SLC14A2: variants seen among roughly 807,000 people sequenced by gnomAD.
SLC14A2 encodes urea transporter 2.
In SLC14A2, 91 loss-of-function variants were observed where a neutral mutation model predicts 104.6. The ratio of observed to expected loss-of-function variants is 0.87; its 90% CI spans 0.73 to 1.04. The LOEUF (loss-of-function observed/expected upper bound fraction) is 1.04, where lower values mean the gene tolerates loss of function less well. Ranked by LOEUF, SLC14A2 falls within the 50% of genes least tolerant of loss-of-function variation. SLC14A2 has a pLI of 0.00. For synonymous variants in SLC14A2, 476 were observed against 466.4 expected (o/e 1.02, Z -0.27); for missense variants, 1,189 against 1,156.0 (o/e 1.03, Z -0.41).
intron 1 of SLC14A2, among the ~76,000 whole-genome samples, chr18:45,441,441 A>C (rs912918438): frequency 6.6e-6 from 1 of 152,190 alleles, no homozygotes; most frequent in Non-Finnish European, 1.5e-5. Context: ...ATTACCCAGG[A>C]CCGCCATGGA....
chr18:45,249,740 AG>A (rs1482139053), intron 1 of SLC14A2, among the ~76,000 whole-genome samples: 1 of 152,142 alleles, frequency 6.6e-6, no homozygotes, highest in Non-Finnish European at 1.5e-5. Context: ...GCTTGAGTCC[AG>A]GAGTTCAAGA....
chr18:45,549,054 A>ATCCTCCT (rs1180669643), intron 2 of SLC14A2, among the ~76,000 whole-genome samples: 2 of 152,240 alleles, frequency 1.3e-5, no homozygotes, highest in African/African-American at 4.8e-5. Flanking sequence ...CGCCTCCTCC[A>ATCCTCCT]TCCTCCTTCC....
chr18:45,229,097 A>T (rs1184751725), intron 1 of SLC14A2, among the ~76,000 whole-genome samples: 1 of 152,172 alleles, frequency 6.6e-6, no homozygotes, highest in Non-Finnish European at 1.5e-5. Flanking sequence ...ACTGTGAATT[A>T]TTGGCCTGTA....
intron 1 of SLC14A2, among the ~76,000 whole-genome samples, chr18:45,363,558 T>C (rs9966284): frequency 1 from 151,913 of 152,200 alleles, 75,814 homozygotes; most frequent in Middle Eastern, 1. Flanking sequence ...AGTCTCAGCC[T>C]TAAATTGTCC....
At chr18:45,499,216 C>A (rs931291176) in intron 2 of SLC14A2, among the ~76,000 whole-genome samples, 6 of 152,148 alleles carry the variant, frequency 3.9e-5, no homozygotes, top group African/African-American at 1.4e-4. Context: ...CCCAAAATGT[C>A]ATTTTATTGA....
At chr18:45,413,529 C>T (rs1217643192) in intron 1 of SLC14A2, among the ~76,000 whole-genome samples, 2 of 152,064 alleles carry the variant, frequency 1.3e-5, no homozygotes, top group African/African-American at 4.8e-5. Context: ...GACTCAGACC[C>T]TAGTTCCTGA....
intron 5 of SLC14A2, chr18:45,635,019 G>T: frequency 3.1e-6 from 1 of 322,416 alleles, no homozygotes; most frequent in Non-Finnish European, 6.1e-6. Flanking sequence ...GGGAGGTTGT[G>T]GAAAACCAAG....
intron 2 of SLC14A2, chr18:45,528,406 A>G (rs1278913890): frequency 6.6e-6 from 1 of 152,032 alleles, no homozygotes; most frequent in Admixed American, 6.6e-5. Context: ...ACATCTCAGG[A>G]TCCTACCTGT....
intron 1 of SLC14A2, among the ~76,000 whole-genome samples, chr18:45,476,629 G>A (rs886897066): frequency 2.6e-5 from 4 of 152,160 alleles, no homozygotes; most frequent in African/African-American, 9.7e-5. Context: ...GTCAAACGTA[G>A]GTTTGGTCTT....
chr18:45,242,881 G>A (rs2084331940), intron 1 of SLC14A2, among the ~76,000 whole-genome samples: 1 of 152,190 alleles, frequency 6.6e-6, no homozygotes, highest in Non-Finnish European at 1.5e-5. Flanking sequence ...ACATGAGCTG[G>A]TTTGTGCTAC....
intron 1 of SLC14A2, among the ~76,000 whole-genome samples, chr18:45,355,775 A>G (rs2085547920): frequency 6.6e-6 from 1 of 152,022 alleles, no homozygotes; most frequent in African/African-American, 2.4e-5. Context: ...GCACCCACTC[A>G]TCTCAGAACA....
In SLC14A2 at chr18:45,669,424, T is replaced by C. The variant is rs1442958426; in HGVS notation, c.2155T>C (p.Phe719Leu). 1 of 1,614,034 alleles carries C rather than the reference T, an allele frequency of 6.2e-7. No homozygotes were observed. The highest frequency in any genetic ancestry group is 1.3e-5 in the African/African-American group (1 of 74,922). ...GGCAGCCACGGGCCACTACAACCTTTTCTTCCCCACAACGCTGCTGCAGCC... is the reference window on the plus strand; with the variant it reads ...GGCAGCCACGGGCCACTACAACCTTCTCTTCCCCACAACGCTGCTGCAGCC... ...YLAATGHYNLFFPTTLLQPAS... is the reference protein window; with the variant it reads ...YLAATGHYNLLFPTTLLQPAS... Residue 719 changes from phenylalanine to leucine, a missense_variant, in exon 16 of 20, where the codon TTC (phenylalanine) becomes CTC (leucine). Physicochemically the swap from Phe to Leu is conservative, Grantham distance 22. Coordinates refer to ENST00000255226, the MANE Select transcript of SLC14A2 (RefSeq NM_007163.4).
chr18:45,448,939 G>C (rs997012858), intron 1 of SLC14A2, among the ~76,000 whole-genome samples: 1 of 152,210 alleles, frequency 6.6e-6, no homozygotes, highest in African/African-American at 2.4e-5. Flanking sequence ...TCAGGAGAGA[G>C]AGTAAAATTT....
chr18:45,594,157 T>C (rs1047586202), intron 2 of SLC14A2, among the ~76,000 whole-genome samples: 6 of 152,132 alleles, frequency 3.9e-5, no homozygotes, highest in African/African-American at 1.4e-4. Flanking sequence ...GTTTGGGACA[T>C]AGGGTGCTGG....
intron 1 of SLC14A2, among the ~76,000 whole-genome samples, chr18:45,349,071 A>C (rs1414905216): frequency 6.6e-6 from 1 of 152,218 alleles, no homozygotes; most frequent in Non-Finnish European, 1.5e-5. Context: ...AGCCTGCGAC[A>C]GTGTGTAATG....
At chr18:45,568,259 C>G (rs1172992027) in intron 2 of SLC14A2, among the ~76,000 whole-genome samples, 1 of 152,222 alleles carries the variant, frequency 6.6e-6, no homozygotes, top group East Asian at 1.9e-4. Flanking sequence ...GCTTCATGGC[C>G]TATGGCCTGC....
At chr18:45,656,088 T>G (rs2045831581) in intron 10 of SLC14A2, among the ~76,000 whole-genome samples, 1 of 152,262 alleles carries the variant, frequency 6.6e-6, no homozygotes, top group Non-Finnish European at 1.5e-5. Flanking sequence ...TTGGAATGTA[T>G]GTATTGAATA....
intron 1 of SLC14A2, among the ~76,000 whole-genome samples, chr18:45,271,696 A>C (rs1376482271): frequency 6.6e-6 from 1 of 152,156 alleles, no homozygotes; most frequent in Non-Finnish European, 1.5e-5. Context: ...GATTGGAAGA[A>C]TCAATATTGT....
chr18:45,240,632 TTTTTTTTTG>T (rs2084304348), intron 1 of SLC14A2, among the ~76,000 whole-genome samples: 2 of 149,150 alleles, frequency 1.3e-5, no homozygotes, highest in Admixed American at 1.3e-4. Flanking sequence ...GAGAAAGTGT[TTTTTTTTTG>T]TTTTTTTTGT....
Sources: allele counts gnomAD v4.1 joint callset (sites outside exome capture counted in the v4.1 genomes callset), GRCh38; gene constraint gnomAD v4.1.1; transcripts MANE v1.5; gene names NCBI Gene and HGNC (gene_info 2026-07-23, HGNC 2026-07-21).